Variants in DCHS1 observed in about 807,000 individuals in gnomAD.
The protein encoded by DCHS1 is dachsous cadherin-related 1.
In DCHS1, 78 loss-of-function variants were observed where a neutral mutation model predicts 213.9. The ratio of observed to expected loss-of-function variants is 0.36; its 90% confidence interval spans 0.30 to 0.44. DCHS1 has a LOEUF of 0.44. DCHS1 is among the 20% of genes least tolerant of loss of function. DCHS1 has a pLI of 1.00. For missense variants in DCHS1, 3,946 were observed against 4,395.9 expected, an observed-to-expected ratio of 0.90 and a Z score of 2.89; for synonymous variants, 1,828 against 1,873.7, an observed-to-expected ratio of 0.98 and a Z score of 0.63.
intron 2 of DCHS1, among the ~76,000 whole-genome samples, chr11:6,637,598 C>A (rs1856004242): frequency 6.6e-6 from 1 of 151,942 alleles, no homozygotes; most frequent in South Asian, 2.1e-4. Context: ...TGGGCCCTCC[C>A]ACACCTCTGT....
intron 1 of DCHS1, among the ~76,000 whole-genome samples, chr11:6,646,127 C>G (rs1353003401): frequency 6.6e-6 from 1 of 151,906 alleles, no homozygotes; most frequent in African/African-American, 2.4e-5. Context: ...CATACACACA[C>G]ACACCCACCC....
chr11:6,622,653 G>C lies in DCHS1; in HGVS notation c.9023C>G (p.Pro3008Arg), dbSNP rs1267002189. The C allele has an allele frequency of 1.3e-6, 2 of 1,591,556 alleles. No individual in the cohort carries two copies. Among genetic ancestry groups the C allele is most frequent in the Non-Finnish European group, 1.7e-6 (2 of 1,169,320 alleles). The change falls in exon 21 of 21, where the codon CCC becomes CGC. Residue 3008 changes from proline (P) to arginine (R), a missense_variant. This residue lies in a region of DCHS1 where 554 missense variants were observed against 590.2 expected (regional missense o/e 0.94). Coordinates refer to ENST00000299441, the MANE Select transcript of DCHS1 (RefSeq NM_003737.4). The surrounding 1 kb of genome is among the most constrained non-coding windows in gnomAD (Gnocchi z 5.4). ...PSEHLYHQTL[P>R]SYGGPGAGGP... ...TCCAGCTCCTGGCCCACCATAGCTG[G>C]GAAGAGTCTGGTGATAGAGGTGCTC... is the stretch of plus-strand genomic sequence containing the variant.
chr11:6,654,909 C>A (rs1001712478), intron 1 of DCHS1, among the ~76,000 whole-genome samples: 2 of 152,116 alleles, frequency 1.3e-5, no homozygotes, highest in Non-Finnish European at 2.9e-5. Context: ...CTTGCTCTGT[C>A]CCCTGCACGG....
At chr11:6,648,194 G>A (rs1257737764) in intron 1 of DCHS1, among the ~76,000 whole-genome samples, 1 of 152,198 alleles carries the variant, frequency 6.6e-6, no homozygotes, top group Non-Finnish European at 1.5e-5. Flanking sequence ...GACAAATCAT[G>A]GGGTAACTGA....
chr11:6,623,993 G>A lies in DCHS1; in HGVS notation c.7683C>T (p.Asp2561=). 1 of 1,612,502 alleles carries A rather than the reference G, an allele frequency of 6.2e-7. No individual in the cohort carries two copies. The highest frequency in any genetic ancestry group is 8.5e-7 in the Non-Finnish European group (1 of 1,178,876). The change falls in exon 21 of 21, where the codon GAC becomes GAT. Residue 2561 remains aspartate, a synonymous_variant. Coordinates refer to ENST00000299441, the MANE Select transcript of DCHS1 (RefSeq NM_003737.4). ...LGCLVLLEPL[D]FESLTQYNLT... ...GATTGTACTGTGTCAGGCTTTCAAA[G>A]TCTAGAGGTTCAAGCAACACCAGGC...
At chr11:6,624,483 A>G in intron 20 of DCHS1, 93 bp from the exon 21 acceptor site, 1 of 1,409,028 alleles carries the variant, frequency 7.1e-7, no homozygotes, top group Non-Finnish European at 9.4e-7. Context: ...ATGGTTTTGG[A>G]AGTCAGACTC....
chr11:6,640,291 C>A lies in DCHS1; in HGVS notation c.1323G>T (p.Arg441Ser). The A allele has an allele frequency of 1.9e-6, 3 of 1,608,056 alleles. No homozygotes were observed. Among genetic ancestry groups the A allele is most frequent in the Non-Finnish European group, 2.5e-6 (3 of 1,177,338 alleles). ...DREERDAYNL[R>S]VTATDSGSPP... ...GTGAGCCTGAGTCTGTGGCTGTAAC[C>A]CTCAAGTTATAGGCATCCCTCTCCT... The change falls in exon 2 of 21, where the codon AGG becomes AGT. Residue 441 changes from arginine to serine, a missense_variant. This residue lies in a region of DCHS1 where 3,384 missense variants were observed against 3,780.1 expected (regional missense o/e 0.90). Coordinates refer to ENST00000299441, the MANE Select transcript of DCHS1 (RefSeq NM_003737.4). This position sits in a 1 kb window ranked among gnomAD's most constrained non-coding sequence, Gnocchi z 6.5.
chr11:6,651,226 G>A (rs1876301), intron 1 of DCHS1, among the ~76,000 whole-genome samples: 87,696 of 152,008 alleles, frequency 0.58, 26,446 homozygotes, highest in East Asian at 0.81. Flanking sequence ...TAAAGGCAGG[G>A]TTTGAGACCA....
At chr11:6,638,758 A>G (rs1856022216) in intron 2 of DCHS1, among the ~76,000 whole-genome samples, 1 of 152,196 alleles carries the variant, frequency 6.6e-6, no homozygotes, top group African/African-American at 2.4e-5. Context: ...CAGTAGTTAA[A>G]TAAAATCTTG....
In DCHS1 at chr11:6,631,396, G is replaced by T. The variant is rs200997946; in HGVS notation, c.3687C>A (p.Arg1229=). The T allele has an allele frequency of 6.2e-7, 1 of 1,613,976 alleles. No individual in the cohort carries two copies. Among genetic ancestry groups the T allele is most frequent in the Admixed American group, 1.7e-5 (1 of 60,032 alleles). The change falls in exon 8 of 21, where the codon CGC becomes CGA. Residue 1229 remains arginine (R), a synonymous_variant. Transcript: ENST00000299441. The part of the protein sequence containing the change: ...GGGLPIQVPD[R]VPPGTLVTTL... Reference sequence around the variant, plus strand: ...TCGTCACCAGTGTTCCCGGAGGCACGCGGTCTGGTACCTGTGGGAACACAA... The same window carrying T: ...TCGTCACCAGTGTTCCCGGAGGCACTCGGTCTGGTACCTGTGGGAACACAA...
Position 6,637,587 on chromosome 11 carries a change from C to A in DCHS1, c.1797+2230G>T, listed in dbSNP as rs571796037. Among the ~76,000 whole-genome samples the A allele has an allele frequency of 3.3e-5, 5 of 152,080 alleles. No individual in the cohort carries two copies. The East Asian group carries it at 9.7e-4, about 30-fold the overall frequency. On this transcript the variant is annotated intron_variant, in intron 2 of 20. Transcript: ENST00000299441. ...AGCCCCTAGTAGGCCCTTGAACAAA[C>A]TGGGCCCTCCCACACCTCTGTGCAC... is the stretch of plus-strand genomic sequence containing the variant.
chr11:6,631,900 G>T, intron 6 of DCHS1, 91 bp from the exon 7 acceptor site: 2 of 1,451,990 alleles, frequency 1.4e-6, no homozygotes, highest in South Asian at 1.5e-5. Context: ...GGGGAGTGGG[G>T]GAGGGAATGC....
chr11:6,649,685 G>C (rs754588705), intron 1 of DCHS1, among the ~76,000 whole-genome samples: 14 of 152,156 alleles, frequency 9.2e-5, no homozygotes, highest in Non-Finnish European at 1.5e-4. Context: ...CAGGTAGGGA[G>C]ACTCGGCAGG....
rs1855946403 is a variant in DCHS1 at position 6,633,648 on chromosome 11, C to G, written c.2219G>C (p.Gly740Ala). The G allele has an allele frequency of 1.2e-6, 2 of 1,603,142 alleles. No individual in the cohort carries two copies. Among genetic ancestry groups the G allele is most frequent in the Non-Finnish European group, 8.5e-7 (1 of 1,174,544 alleles). Residue 740 changes from glycine to alanine, a missense_variant and splice_region_variant, in exon 5 of 21, where the codon GGG becomes GCG. Gly to Ala is a moderately conservative substitution (Grantham distance 60, BLOSUM62 0). Coordinates refer to ENST00000299441, the MANE Select transcript of DCHS1 (RefSeq NM_003737.4). Reference sequence around the variant, plus strand: ...CAAGGGCCAGGCTACTGTCAACAGCCCTGAGAGGAAGAATAGAAGCAGAGA... The same window carrying G: ...CAAGGGCCAGGCTACTGTCAACAGCGCTGAGAGGAAGAATAGAAGCAGAGA... Reference protein sequence around the residue: ...PPLFTLDEQSGLLTVAWPLAR... With the variant: ...PPLFTLDEQSALLTVAWPLAR...
chr11:6,640,388 T>C lies in DCHS1; in HGVS notation c.1226A>G (p.Glu409Gly), dbSNP rs1393013221. 4 of 1,613,768 alleles carry C rather than the reference T, an allele frequency of 2.5e-6. No homozygotes were observed. Among genetic ancestry groups the C allele is most frequent in the Non-Finnish European group, 3.4e-6 (4 of 1,179,792 alleles). The change falls in exon 2 of 21, where the codon GAG becomes GGG. Residue 409 changes from glutamate to glycine, a missense_variant. Physicochemically the swap from Glu to Gly is moderately conservative, Grantham distance 98. Transcript: ENST00000299441. This position sits in a 1 kb window ranked among gnomAD's most constrained non-coding sequence, Gnocchi z 6.5. Reference sequence around the variant, plus strand: ...TTGGGTGCTTAGGGCAAAGTGGCCCTCTCCACCTTCCAGGGACACATTGAC... The same window carrying C: ...TTGGGTGCTTAGGGCAAAGTGGCCCCCTCCACCTTCCAGGGACACATTGAC... ...AHVNVSLEGG[E>G]GHFALSTQDS...
chr11:6,627,543 C>G lies in DCHS1; in HGVS notation c.5496G>C (p.Gln1832His), dbSNP rs975872146. 5 of 1,612,622 alleles carry G rather than the reference C, an allele frequency of 3.1e-6. No homozygotes were observed. The highest frequency in any genetic ancestry group is 1.7e-5 in the Admixed American group (1 of 59,896). ...QLRIEARDGG[Q>H]PALSATLLLT... ...AAAGCAGCGTGGCACTGAGAGCTGG[C>G]TGGCCTCCATCCCGGGCCTCTATCC... is the stretch of plus-strand genomic sequence containing the variant. Residue 1832 changes from glutamine to histidine, a missense_variant, in exon 14 of 21, where the codon CAG becomes CAC. By Grantham distance (24) the Gln-to-His change is conservative. Coordinates refer to ENST00000299441, the MANE Select transcript of DCHS1 (RefSeq NM_003737.4). This position sits in a 1 kb window ranked among gnomAD's most constrained non-coding sequence, Gnocchi z 5.4.
In DCHS1 at chr11:6,622,753, T is replaced by A. The variant is rs1282545235; in HGVS notation, c.8923A>T (p.Met2975Leu). The A allele has an allele frequency of 6.3e-7, 1 of 1,591,524 alleles. No individual in the cohort carries two copies. The highest frequency in any genetic ancestry group is 8.6e-7 in the Non-Finnish European group (1 of 1,169,294). ...SRKAEAAPGP[M>L]SQAAPLASDS... ...CTGGCTAGGGGTGCTGCCTGTGACA[T>A]TGGGCCAGGGGCTGCCTCAGCCTTG... Residue 2975 changes from methionine to leucine, a missense_variant, in exon 21 of 21, where the codon ATG becomes TTG. This residue lies in a region of DCHS1 where 554 missense variants were observed against 590.2 expected (regional missense o/e 0.94). Transcript: ENST00000299441. The surrounding 1 kb of genome is among the most constrained non-coding windows in gnomAD (Gnocchi z 5.4).
chr11:6,646,375 C>A (rs1025417951), intron 1 of DCHS1, among the ~76,000 whole-genome samples: 1 of 152,186 alleles, frequency 6.6e-6, no homozygotes, highest in African/African-American at 2.4e-5. Context: ...CAAACTCGAA[C>A]TCCAGACTCT....
chr11:6,628,731 G>A lies in DCHS1; in HGVS notation c.5261C>T (p.Ala1754Val), dbSNP rs756373893. 5.6e-6 allele frequency: 9 copies of A among 1,613,902 alleles called. No individual in the cohort carries two copies. The East Asian group carries it at 1.8e-4, about 32-fold the overall frequency. The part of the protein sequence containing the change: ...ENDHAPTFGS[A>V]HLSLEVPEGQ... ...CTCAGGCACCTCCAGAGAGAGATGG[G>A]CACTCCCAAAGGTTGGTGCATGGTC... Residue 1754 changes from alanine (A) to valine (V), a missense_variant, in exon 13 of 21, where the codon GCC becomes GTC. Transcript: ENST00000299441. The surrounding 1 kb of genome is among the most constrained non-coding windows in gnomAD (Gnocchi z 4.3).
Sources: allele counts gnomAD v4.1 joint callset (sites outside exome capture counted in the v4.1 genomes callset), GRCh38; gene constraint gnomAD v4.1.1; regional missense constraint gnomAD v4.1.1; non-coding constraint Gnocchi (gnomAD v3.1); transcripts MANE v1.5; gene names NCBI Gene and HGNC (gene_info 2026-07-23, HGNC 2026-07-21).